Variants in PCDH15 observed in about 807,000 individuals in gnomAD.
The protein encoded by PCDH15 is protocadherin related 15, also known as protocadherin-15.
In PCDH15, 129 loss-of-function variants were observed where a neutral mutation model predicts 178.5. That is an observed-to-expected ratio of 0.72 (90% confidence interval 0.63 to 0.84). The LOEUF is 0.84. Among genes scored for constraint, PCDH15 ranks in the 40% least tolerant of loss-of-function variants. The pLI is 0.00. For synonymous variants in PCDH15, 800 were observed against 732.0 expected (o/e 1.09, Z -1.50); for missense variants, 2,230 against 2,099.9 (o/e 1.06, Z -1.21).
At chr10:55,411,031 AG>A (rs1293286474) in intron 2 of PCDH15, among the ~76,000 whole-genome samples, 1 of 152,130 alleles carries the variant, frequency 6.6e-6, no homozygotes, top group African/African-American at 2.4e-5. Flanking sequence ...TAAAATTGGG[AG>A]TAATGAAGGT....
At chr10:54,302,369 G>A (rs2060196362) in intron 8 of PCDH15, among the ~76,000 whole-genome samples, 1 of 152,184 alleles carries the variant, frequency 6.6e-6, no homozygotes, top group Non-Finnish European at 1.5e-5. Flanking sequence ...GTAAGTTCCA[G>A]CTGTGTCTGA....
intron 26 of PCDH15, among the ~76,000 whole-genome samples, chr10:53,896,962 T>G (rs757067817): frequency 6.6e-6 from 1 of 152,138 alleles, no homozygotes; most frequent in African/African-American, 2.4e-5. Context: ...GTAATAATAA[T>G]AGAAATAAAG....
chr10:54,628,003 T>C (rs1255459123), intron 2 of PCDH15, among the ~76,000 whole-genome samples: 1 of 152,230 alleles, frequency 6.6e-6, no homozygotes, highest in Non-Finnish European at 1.5e-5. Context: ...AGCTTTTTCT[T>C]ATTTAATTCT....
chr10:55,553,046 C>A (rs1842029517), intron 2 of PCDH15, among the ~76,000 whole-genome samples: 1 of 151,488 alleles, frequency 6.6e-6, no homozygotes, highest in Admixed American at 6.6e-5. Context: ...ACAGAGTACA[C>A]ATGAAAGTTT....
At position 55,415,725 on chromosome 10, in the gene PCDH15, C is replaced by T. The variant is rs541478840; in HGVS notation, c.-156+211900G>A. ...TGATTATCTTGTTTTCATATGTACT[C>T]TCAAAAGTACATATTTACCTTGACT... On this transcript the variant is annotated intron_variant, in intron 2 of 5. Transcript: ENST00000613346. 7.3e-5 allele frequency among the ~76,000 whole-genome samples: 11 copies of T among 151,614 alleles called. No homozygotes were observed. In the South Asian group the frequency reaches 2.3e-3, roughly 32 times the overall value.
intron 2 of PCDH15, among the ~76,000 whole-genome samples, chr10:54,660,316 A>G (rs2094471089): frequency 6.6e-6 from 1 of 152,158 alleles, no homozygotes; most frequent in African/African-American, 2.4e-5. Flanking sequence ...TCAGAGAGTA[A>G]TCATGGTAGA....
intron 2 of PCDH15, among the ~76,000 whole-genome samples, chr10:55,520,355 T>G (rs2132163674): frequency 3.8e-5 from 5 of 132,936 alleles, no homozygotes; most frequent in South Asian, 2.4e-4. Flanking sequence ...TATATACACA[T>G]TGTCACATGG....
chr10:54,357,953 C>T (rs371928344), intron 5 of PCDH15, among the ~76,000 whole-genome samples: 2 of 151,922 alleles, frequency 1.3e-5, no homozygotes, highest in East Asian at 3.9e-4. Context: ...GGAAAACTGG[C>T]TAGCCATATG....
chr10:55,332,875 T>C (rs1310329213), intron 2 of PCDH15, among the ~76,000 whole-genome samples: 3 of 152,198 alleles, frequency 2.0e-5, no homozygotes, highest in South Asian at 4.1e-4. Context: ...TTAAACCTTT[T>C]CTTCTTTATA....
At chr10:55,544,807 T>TATACACCAG (rs1450013993) in intron 2 of PCDH15, among the ~76,000 whole-genome samples, 1 of 152,074 alleles carries the variant, frequency 6.6e-6, no homozygotes, top group African/African-American at 2.4e-5. Context: ...CATACACACA[T>TATACACCAG]ATACACCAGA....
chr10:54,394,635 T>C (rs181605001), intron 3 of PCDH15, among the ~76,000 whole-genome samples: 25 of 152,280 alleles, frequency 1.6e-4, no homozygotes, highest in Admixed American at 1.2e-3. Context: ...TCGGGCACCA[T>C]TGTCATTGAT....
At chr10:54,669,674 C>T (rs1338143745) in intron 1 of PCDH15, among the ~76,000 whole-genome samples, 2 of 147,334 alleles carry the variant, frequency 1.4e-5, no homozygotes, top group African/African-American at 5.0e-5. Flanking sequence ...CTGCTAAATT[C>T]GGCTTACTAG....
intron 25 of PCDH15, among the ~76,000 whole-genome samples, chr10:53,910,905 G>T (rs1469500596): frequency 6.6e-6 from 1 of 152,150 alleles, no homozygotes; most frequent in African/African-American, 2.4e-5. Flanking sequence ...GTGGAAAAAA[G>T]GGTGCCAGAG....
At chr10:54,649,553 C>T (rs2094207628) in intron 2 of PCDH15, among the ~76,000 whole-genome samples, 1 of 151,988 alleles carries the variant, frequency 6.6e-6, no homozygotes, top group African/African-American at 2.4e-5. Context: ...TCCAATTTTT[C>T]AATGAAGAAC....
chr10:54,794,998 A>T (rs1171308381), intron 1 of PCDH15, among the ~76,000 whole-genome samples: 1 of 151,882 alleles, frequency 6.6e-6, no homozygotes, highest in Non-Finnish European at 1.5e-5. Context: ...TTTATTTATC[A>T]TAATCTGCCT....
At chr10:55,076,474 C>T in intron 2 of PCDH15, among the ~76,000 whole-genome samples, 1 of 148,962 alleles carries the variant, frequency 6.7e-6, no homozygotes. Flanking sequence ...TTTTTGGAGA[C>T]AGTGTCTCGC....
At chr10:54,003,633 GAA>G (rs2092266322) in intron 20 of PCDH15, among the ~76,000 whole-genome samples, 1 of 144,950 alleles carries the variant, frequency 6.9e-6, no homozygotes, top group Non-Finnish European at 1.5e-5. Context: ...AAGCTGTAAT[GAA>G]AAGTCACCTA....
intron 3 of PCDH15, among the ~76,000 whole-genome samples, chr10:54,461,621 T>G (rs1482958241): frequency 1.3e-5 from 2 of 152,174 alleles, no homozygotes; most frequent in Non-Finnish European, 2.9e-5. Context: ...ACCTCTGGAA[T>G]TAGGCAAACT....
At chr10:54,578,032 A>T (rs572206859) in intron 2 of PCDH15, among the ~76,000 whole-genome samples, 1 of 152,270 alleles carries the variant, frequency 6.6e-6, no homozygotes, top group East Asian at 1.9e-4. Flanking sequence ...ATTGCCTTGG[A>T]TGATTTATAT....
Sources: gnomAD v4.1 joint callset for allele counts (sites outside exome capture counted in the v4.1 genomes callset) on GRCh38, gnomAD v4.1.1 for gene constraint, MANE v1.5 for transcripts, NCBI Gene and HGNC (gene_info 2026-07-23, HGNC 2026-07-21) for gene names.